The following TFCP2 variants were observed in gnomAD, a reference collection of about 807,000 sequenced individuals.
TFCP2 encodes transcription factor CP2, also known as alpha-globin transcription factor CP2.
Under a neutral mutation model 73.4 loss-of-function variants are expected in TFCP2, and 33 were observed. The ratio of observed to expected loss-of-function variants is 0.45; its 90% CI spans 0.34 to 0.60. The LOEUF is 0.60. TFCP2 is among the 20% of genes least tolerant of loss of function. The probability of loss-of-function intolerance (pLI) is 0.01; values close to 1 mark genes in which losing one functional copy is unlikely to be tolerated. For missense variants in TFCP2, 352 were observed against 604.0 expected (o/e 0.58, Z 4.37); for synonymous variants, 193 against 211.6 (o/e 0.91, Z 0.76).
chr12:51,103,803 T>C (rs1244997634), intron 9 of TFCP2, 40 bp from the exon 10 acceptor site: 5 of 1,529,150 alleles, frequency 3.3e-6, no homozygotes, highest in Non-Finnish European at 4.5e-6. Context: ...CCAAATAGAT[T>C]TGTCTGTTAC....
chr12:51,106,254 A>C (rs1474597347), intron 8 of TFCP2, among the ~76,000 whole-genome samples: 1 of 152,180 alleles, frequency 6.6e-6, no homozygotes, highest in African/African-American at 2.4e-5. Context: ...CAGTCCCTGA[A>C]CCACTAAAAA....
chr12:51,139,062 T>C (rs1299881097), intron 1 of TFCP2, among the ~76,000 whole-genome samples: 4 of 152,186 alleles, frequency 2.6e-5, no homozygotes, highest in Non-Finnish European at 5.9e-5. Context: ...TTGTCTTTTA[T>C]AGACAGAGAG....
At chr12:51,136,178 A>G (rs1941056033) in intron 1 of TFCP2, among the ~76,000 whole-genome samples, 1 of 151,846 alleles carries the variant, frequency 6.6e-6, no homozygotes, top group African/African-American at 2.4e-5. Flanking sequence ...GTGTGGTGGC[A>G]GGTGCCTGTA....
chr12:51,139,616 G>T (rs1450681129), intron 1 of TFCP2, among the ~76,000 whole-genome samples: 1 of 152,028 alleles, frequency 6.6e-6, no homozygotes, highest in Admixed American at 6.6e-5. Flanking sequence ...GGCCTCTCAG[G>T]ATCCTCCTGC....
intron 1 of TFCP2, among the ~76,000 whole-genome samples, chr12:51,141,798 C>CG (rs1941197672): frequency 6.7e-6 from 1 of 149,834 alleles, no homozygotes; most frequent in South Asian, 2.1e-4. Context: ...CACACCTACT[C>CG]GGGAGGCTGA....
At chr12:51,132,387 T>TTTTTTTTTTTTTTA (rs1186866774) in intron 1 of TFCP2, among the ~76,000 whole-genome samples, 2 of 127,510 alleles carry the variant, frequency 1.6e-5, no homozygotes, top group African/African-American at 2.9e-5. Context: ...TTTTTTTTTT[T>TTTTTTTTTTTTTTA]AGACAGAGTC....
chr12:51,129,481 C>T (rs1940891762), intron 1 of TFCP2, among the ~76,000 whole-genome samples: 1 of 145,784 alleles, frequency 6.9e-6, no homozygotes, highest in South Asian at 2.2e-4. Flanking sequence ...CCACTGTGCA[C>T]TCCAGCTCGG....
chr12:51,161,778 A>G (rs923411274), intron 1 of TFCP2, among the ~76,000 whole-genome samples: 6 of 148,980 alleles, frequency 4.0e-5, no homozygotes, highest in Admixed American at 1.3e-4. Context: ...AAAAAAAAAA[A>G]AAAAAGAAAT....
intron 7 of TFCP2, chr12:51,106,820 A>C (rs2136968543): frequency 1.9e-6 from 1 of 532,138 alleles, no homozygotes; most frequent in Non-Finnish European, 3.3e-6. Flanking sequence ...AAAAGAAATA[A>C]GTCTAGAAAA....
intron 6 of TFCP2, among the ~76,000 whole-genome samples, chr12:51,107,821 G>T (rs1198564050): frequency 6.6e-6 from 1 of 151,844 alleles, no homozygotes; most frequent in Non-Finnish European, 1.5e-5. Flanking sequence ...GGTCAGGCTG[G>T]TCTTAAACTC....
intron 1 of TFCP2, among the ~76,000 whole-genome samples, chr12:51,120,177 C>T (rs1332365983): frequency 3.5e-5 from 2 of 57,306 alleles, no homozygotes; most frequent in African/African-American, 7.2e-5. Context: ...GACTCTGTCT[C>T]AAAAAAAAAA....
intron 1 of TFCP2, among the ~76,000 whole-genome samples, chr12:51,165,866 G>A (rs1481774690): frequency 3.3e-5 from 5 of 152,158 alleles, no homozygotes. Context: ...GAAAAACTCT[G>A]AGTAGGGCAT....
intron 10 of TFCP2, among the ~76,000 whole-genome samples, chr12:51,102,932 T>C (rs909529385): frequency 6.6e-6 from 1 of 151,720 alleles, no homozygotes; most frequent in South Asian, 2.1e-4. Flanking sequence ...AGATGATTAA[T>C]GGGCTATTTG....
intron 1 of TFCP2, among the ~76,000 whole-genome samples, chr12:51,158,055 G>C (rs897641024): frequency 2.6e-5 from 4 of 151,890 alleles, no homozygotes; most frequent in African/African-American, 9.7e-5. Flanking sequence ...AGGCTGGAGT[G>C]ATGTGGCACA....
At chr12:51,136,124 G>A (rs1941054932) in intron 1 of TFCP2, among the ~76,000 whole-genome samples, 1 of 151,890 alleles carries the variant, frequency 6.6e-6, no homozygotes, top group Non-Finnish European at 1.5e-5. Context: ...GGCCAACATA[G>A]TGAAACCCCG....
intron 1 of TFCP2, chr12:51,124,696 G>C (rs1363866631): frequency 1.5e-6 from 1 of 664,790 alleles, no homozygotes. Context: ...GCGGTGGCCA[G>C]TGAGTTGGCA....
At chr12:51,157,946 G>A (rs891370648) in intron 1 of TFCP2, among the ~76,000 whole-genome samples, 9 of 151,556 alleles carry the variant, frequency 5.9e-5, no homozygotes, top group African/African-American at 9.7e-5. Flanking sequence ...CCAAAGTGCT[G>A]GGATTACAGG....
At chr12:51,114,720 C>A (rs1940479120) in intron 4 of TFCP2, among the ~76,000 whole-genome samples, 1 of 151,940 alleles carries the variant, frequency 6.6e-6, no homozygotes, top group South Asian at 2.1e-4. Flanking sequence ...CAAATCAAAA[C>A]CACAATGAGA....
chr12:51,122,253 CTTTTTTTTTTTTT>C (rs11347975), intron 1 of TFCP2, among the ~76,000 whole-genome samples: 5 of 73,180 alleles, frequency 6.8e-5, no homozygotes, highest in African/African-American at 2.3e-4. Flanking sequence ...TTTTTCTTTT[CTTTTTTTTTTTTT>C]TTTTTTTTTT....
Sources: allele counts gnomAD v4.1 joint callset (sites outside exome capture counted in the v4.1 genomes callset), GRCh38; gene constraint gnomAD v4.1.1; transcripts MANE v1.5; gene names NCBI Gene and HGNC (gene_info 2026-07-23, HGNC 2026-07-21).